The following SMG1 variants were observed in gnomAD, a reference collection of about 807,000 sequenced individuals.
The protein encoded by SMG1 is serine/threonine-protein kinase SMG1.
SMG1 carries 22 observed loss-of-function variants against 419.9 expected under a neutral mutation model. The observed-to-expected ratio is 0.05, with a 90% CI of 0.04 to 0.07. SMG1 has a LOEUF of 0.07. SMG1 is among the 10% of genes least tolerant of loss of function. The pLI, the probability that SMG1 is intolerant of heterozygous loss-of-function variation, is 1.00. For missense variants in SMG1, 3,185 were observed against 4,342.0 expected (o/e 0.73, Z 7.49); for synonymous variants, 1,538 against 1,553.5 (o/e 0.99, Z 0.23).
At chr16:18,841,854 A>G in intron 40 of SMG1, 60 bp from the exon 41 acceptor site, 1 of 1,418,340 alleles carries the variant, frequency 7.1e-7, no homozygotes, top group Non-Finnish European at 9.9e-7. Context: ...GGAGCATACC[A>G]CTCCTCTTTT....
At chr16:18,838,747 C>A in intron 42 of SMG1, 58 bp from the exon 43 acceptor site, 2 of 1,112,206 alleles carry the variant, frequency 1.8e-6, no homozygotes, top group Non-Finnish European at 2.6e-6. Context: ...TTCCCTCCAA[C>A]ATGGACGTGA....
chr16:18,842,796 T>C (rs1339514532), intron 39 of SMG1, among the ~76,000 whole-genome samples: 1 of 152,140 alleles, frequency 6.6e-6, no homozygotes, highest in African/African-American at 2.4e-5. Context: ...CGCCACTACA[T>C]GCCAGCCTGT....
chr16:18,850,389 A>G lies in SMG1; in HGVS notation c.5131T>C (p.Leu1711=). 1 of 1,613,980 alleles carries G rather than the reference A, an allele frequency of 6.2e-7. No individual in the cohort carries two copies. Among genetic ancestry groups the G allele is most frequent in the South Asian group, 1.1e-5 (1 of 91,086 alleles). ...DDMVDVIWRQ[L]ISSCPWLSEL... is the part of the protein sequence containing the mutation. ...GAAAGCCATGGGCAGCTTGATATCA[A>G]CTGACGCCAGATAACATCAACCATG... Residue 1711 remains leucine, a synonymous_variant, in exon 34 of 63, where the codon TTG becomes CTG. Coordinates refer to ENST00000446231, the MANE Select transcript of SMG1 (RefSeq NM_015092.5).
In SMG1 at chr16:18,811,746, T is replaced by A. The variant is rs774888929; in HGVS notation, c.10908+15A>T. 1.4e-5 allele frequency: 23 copies of A among 1,611,558 alleles called. 1 individual carries two copies. The South Asian group carries it at 2.3e-4, about 16-fold the overall frequency. ...CAGCATTAAAATGTGTAGCCCAAGT[T>A]TAAAACACGGTCACCTGTTCAGCAA... is the stretch of plus-strand genomic sequence containing the variant. On this transcript the variant is annotated intron_variant, in intron 62 of 62. Transcript: ENST00000446231.
Position 18,874,591 on chromosome 16 carries a change from C to T in SMG1, c.1890+1533G>A, listed in dbSNP as rs181642817. ...AAAAAAAAAAAAAAAGCAGGCTGGG[C>T]GCGGTGGCTCACGCCTGTAATTCCA... On this transcript the variant is annotated intron_variant, in intron 13 of 62. Transcript: ENST00000446231. 3.2e-3 allele frequency among the ~76,000 whole-genome samples: 457 copies of T among 143,042 alleles called. 6 individuals carry two copies. The highest frequency in any genetic ancestry group is 0.011 in the African/African-American group (435 of 38,814). 93.8% of individuals were successfully genotyped at this position (143,042 alleles called of 152,430 possible).
At chr16:18,909,500 G>C (rs1374389566) in intron 1 of SMG1, among the ~76,000 whole-genome samples, 1 of 152,168 alleles carries the variant, frequency 6.6e-6, no homozygotes, top group African/African-American at 2.4e-5. Context: ...GCAACACAGT[G>C]AGACTGTGTC....
intron 1 of SMG1, among the ~76,000 whole-genome samples, chr16:18,916,618 C>T (rs1378585104): frequency 2.8e-5 from 4 of 144,966 alleles, no homozygotes; most frequent in Admixed American, 7.0e-5. Context: ...TTAAAAAACA[C>T]ACACAAAAAA....
chr16:18,879,215 A>C lies in SMG1; in HGVS notation c.1518+280T>G, dbSNP rs141370602. Reference sequence around the variant, plus strand: ...TCTTCAACCTCAAGTTCCTGGGCTTAATCGATCCTCCTCCCTCAGCCTCCC... The same window carrying C: ...TCTTCAACCTCAAGTTCCTGGGCTTCATCGATCCTCCTCCCTCAGCCTCCC... On this transcript the variant is annotated intron_variant, in intron 11 of 62. Coordinates refer to ENST00000446231, the MANE Select transcript of SMG1 (RefSeq NM_015092.5). The C allele has an allele frequency of 3.8e-4, 161 of 424,078 alleles. 1 individual carries two copies. The East Asian group carries it at 7.7e-3, about 20-fold the overall frequency. The allele number at this position is 424,078 out of a possible 1,614,324, so 26.3% of individuals were successfully genotyped here.
At position 18,903,933 on chromosome 16, in the gene SMG1, TC is replaced by T. The variant is rs767398889; in HGVS notation, c.93-6978del. 8.2e-3 allele frequency among the ~76,000 whole-genome samples: 1,009 copies of T among 123,570 alleles called. 18 individuals are homozygous for T. Among genetic ancestry groups the T allele is most frequent in the African/African-American group, 0.033 (974 of 29,610 alleles). The allele number at this position is 123,570 out of a possible 152,430, so 81.1% of individuals were successfully genotyped here. ...CCCCCATTTTCCAAGGTATGTCTTG[TC>T]TTTTTTTTTTTTTTTTTTTTTGAGA... On this transcript the variant is annotated intron_variant, in intron 1 of 62. Coordinates refer to ENST00000446231, the MANE Select transcript of SMG1 (RefSeq NM_015092.5).
At position 18,854,575 on chromosome 16, in the gene SMG1, C is replaced by T. The variant is rs573508089; in HGVS notation, c.4483+81G>A. ...AAATGATCAACTTTGCTATTACTAC[C>T]TTATACCATACATACACAGTAACAT... On this transcript the variant is annotated intron_variant, in intron 30 of 62. Coordinates refer to ENST00000446231, the MANE Select transcript of SMG1 (RefSeq NM_015092.5). 4 of 1,338,976 alleles carry T rather than the reference C, an allele frequency of 3.0e-6. No individual in the cohort carries two copies. In the East Asian group the frequency reaches 1.0e-4, roughly 33 times the overall value. The allele number at this position is 1,338,976 out of a possible 1,614,324, so 82.9% of individuals were successfully genotyped here.
intron 13 of SMG1, chr16:18,875,885 A>G: frequency 1.8e-6 from 1 of 542,952 alleles, no homozygotes; most frequent in South Asian, 3.0e-5. Flanking sequence ...TTTCTAGAAA[A>G]TAAAACTAAT....
chr16:18,904,108 T>G (rs999979385), intron 1 of SMG1, among the ~76,000 whole-genome samples: 33 of 151,076 alleles, frequency 2.2e-4, no homozygotes, highest in Non-Finnish European at 3.5e-4. Context: ...CGGCTAATTT[T>G]TTATATTTTT....
intron 36 of SMG1, 62 bp downstream of exon 36, chr16:18,849,155 C>A: frequency 1.8e-6 from 2 of 1,128,862 alleles, no homozygotes; most frequent in Admixed American, 3.0e-5. Flanking sequence ...AAACTTTGAC[C>A]TCACTAAAAT....
intron 1 of SMG1, among the ~76,000 whole-genome samples, chr16:18,918,730 G>C (rs2038073801): frequency 6.6e-6 from 1 of 152,094 alleles, no homozygotes. Context: ...TGTATTTTTA[G>C]TAGAGACGGG....
chr16:18,919,520 A>C (rs528012824), intron 1 of SMG1, among the ~76,000 whole-genome samples: 21 of 151,916 alleles, frequency 1.4e-4, no homozygotes, highest in African/African-American at 4.8e-4. Flanking sequence ...GCTACTCAGG[A>C]GGATGAGGCA....
At chr16:18,920,994 C>T (rs1421995520) in intron 1 of SMG1, among the ~76,000 whole-genome samples, 3 of 152,034 alleles carry the variant, frequency 2.0e-5, no homozygotes, top group African/African-American at 4.8e-5. Context: ...AAAAATTAGC[C>T]GGGCATAGTG....
At chr16:18,900,501 G>A (rs1401059527) in intron 1 of SMG1, among the ~76,000 whole-genome samples, 1 of 152,120 alleles carries the variant, frequency 6.6e-6, no homozygotes, top group Admixed American at 6.6e-5. Flanking sequence ...GAGAGAGAGT[G>A]TCATCTCTGG....
intron 12 of SMG1, among the ~76,000 whole-genome samples, chr16:18,876,787 A>G (rs2036156411): frequency 6.6e-6 from 1 of 151,972 alleles, no homozygotes. Context: ...TTGAAAAGCC[A>G]GTCATTTTTG....
intron 18 of SMG1, 87 bp from the exon 19 acceptor site, chr16:18,870,081 T>C (rs993796130): frequency 1.1e-5 from 8 of 696,886 alleles, no homozygotes; most frequent in Non-Finnish European, 1.9e-5. Context: ...ACTTATTAAC[T>C]CACTGGAGGT....
Sources: allele counts gnomAD v4.1 joint callset (sites outside exome capture counted in the v4.1 genomes callset), GRCh38; gene constraint gnomAD v4.1.1; transcripts MANE v1.5; gene names NCBI Gene and HGNC (gene_info 2026-07-23, HGNC 2026-07-21).